PCSK6: variants seen among roughly 807,000 people sequenced by gnomAD.
The protein encoded by PCSK6 is paired basic amino acid cleaving enzyme 4.
PCSK6 carries 85 observed loss-of-function variants against 123.3 expected under a neutral mutation model. The ratio of observed to expected loss-of-function variants is 0.69; its 90% CI spans 0.58 to 0.83. The LOEUF is 0.83. Among genes scored for constraint, PCSK6 ranks in the 40% least tolerant of loss-of-function variants. The pLI is 0.00. For missense variants in PCSK6, 1,191 were observed against 1,282.3 expected, an observed-to-expected ratio of 0.93 and a Z score of 1.09; for synonymous variants, 508 against 516.0, an observed-to-expected ratio of 0.98 and a Z score of 0.21.
intron 2 of PCSK6, among the ~76,000 whole-genome samples, chr15:101,440,400 G>A (rs954732401): frequency 2.2e-4 from 34 of 152,356 alleles, no homozygotes; most frequent in African/African-American, 7.5e-4. Flanking sequence ...GTGCACACAC[G>A]TGCTTAACAG....
chr15:101,344,048 C>G (rs867644567), intron 13 of PCSK6, among the ~76,000 whole-genome samples: 1 of 151,908 alleles, frequency 6.6e-6, no homozygotes, highest in Non-Finnish European at 1.5e-5. Context: ...TGCACTCCAG[C>G]CTGTGCGACA....
At chr15:101,346,944 A>T in intron 13 of PCSK6, 1 of 1,231,656 alleles carries the variant, frequency 8.1e-7, no homozygotes, top group Non-Finnish European at 1.0e-6. Flanking sequence ...AGTTTTGGGG[A>T]AAGGCGTCAC....
intron 6 of PCSK6, among the ~76,000 whole-genome samples, chr15:101,413,220 T>G (rs528469019): frequency 6.6e-6 from 1 of 152,202 alleles, no homozygotes; most frequent in Non-Finnish European, 1.5e-5. Flanking sequence ...AATGAATGTA[T>G]GTTTAATATG....
chr15:101,392,453 A>C (rs759851583), intron 8 of PCSK6, among the ~76,000 whole-genome samples: 1 of 152,226 alleles, frequency 6.6e-6, no homozygotes, highest in Non-Finnish European at 1.5e-5. Context: ...CAGCCGCAGA[A>C]ATGAAAAGAT....
At chr15:101,314,042 C>T (rs1298421667) in intron 19 of PCSK6, among the ~76,000 whole-genome samples, 1 of 152,168 alleles carries the variant, frequency 6.6e-6, no homozygotes. Context: ...TTCCATTGCA[C>T]AGAACGCTGT....
At chr15:101,312,656 C>A (rs2039893017) in intron 20 of PCSK6, among the ~76,000 whole-genome samples, 1 of 152,108 alleles carries the variant, frequency 6.6e-6, no homozygotes, top group Non-Finnish European at 1.5e-5. Flanking sequence ...CGTGGTGAAA[C>A]CCGGTCTCTA....
At chr15:101,364,629 T>C (rs902695467) in intron 13 of PCSK6, among the ~76,000 whole-genome samples, 1 of 152,062 alleles carries the variant, frequency 6.6e-6, no homozygotes, top group African/African-American at 2.4e-5. Context: ...TACTCAACAC[T>C]ACAAAAAACA....
At chr15:101,322,491 ACATTCCT>A (rs781498140) in intron 18 of PCSK6, 22 bp downstream of exon 18, 65 of 1,490,776 alleles carry the variant, frequency 4.4e-5, no homozygotes, top group Non-Finnish European at 5.3e-5. Flanking sequence ...CACCGCCCTG[ACATTCCT>A]CAGGTTTCGA....
At chr15:101,378,873 C>A (rs115912879) in intron 11 of PCSK6, among the ~76,000 whole-genome samples, 1 of 152,220 alleles carries the variant, frequency 6.6e-6, no homozygotes, top group Non-Finnish European at 1.5e-5. Flanking sequence ...TTTCAAATGA[C>A]GGAGCTGCCT....
intron 6 of PCSK6, among the ~76,000 whole-genome samples, chr15:101,406,858 A>G (rs919781410): frequency 6.6e-5 from 10 of 152,112 alleles, no homozygotes; most frequent in African/African-American, 2.2e-4. Context: ...ACCTCCTTCT[A>G]CAGTGGAAAC....
chr15:101,398,527 C>T lies in PCSK6; in HGVS notation c.873G>A (p.Ser291=), dbSNP rs1316603523. The change falls in exon 7 of 22, where the codon TCG becomes TCA. Residue 291 remains serine (S), a synonymous_variant. Coordinates refer to ENST00000611716, the MANE Select transcript of PCSK6 (RefSeq NM_002570.5). The surrounding 1 kb of genome is among the most constrained non-coding windows in gnomAD (Gnocchi z 4.6). ...CGATGTAGTTGGGTCTGATGCCCAG[C>T]GACTTTGCCTCGACCACATCTGTGA... ...GDVTDVVEAK[S]LGIRPNYIDI... is the part of the protein sequence containing the mutation. The T allele has an allele frequency of 8.7e-6, 14 of 1,613,814 alleles. No individual in the cohort carries two copies. The highest frequency in any genetic ancestry group is 2.2e-5 in the East Asian group (1 of 44,886).
At chr15:101,465,376 C>T (rs535715188) in intron 1 of PCSK6, among the ~76,000 whole-genome samples, 12 of 152,334 alleles carry the variant, frequency 7.9e-5, no homozygotes, top group South Asian at 4.2e-4. Context: ...GGAAACAGCA[C>T]GTCTTGTTCT....
At chr15:101,387,107 C>A (rs932778109) in intron 9 of PCSK6, among the ~76,000 whole-genome samples, 1 of 152,176 alleles carries the variant, frequency 6.6e-6, no homozygotes, top group African/African-American at 2.4e-5. Flanking sequence ...GCTTCCTCAC[C>A]GTCTCTCCCC....
At chr15:101,317,511 TC>T (rs1191835448) in intron 19 of PCSK6, among the ~76,000 whole-genome samples, 1 of 116,346 alleles carries the variant, frequency 8.6e-6, no homozygotes, top group East Asian at 2.2e-4. Context: ...AGAATTCTTT[TC>T]CTCTTTGAAA....
intron 12 of PCSK6, among the ~76,000 whole-genome samples, chr15:101,367,874 G>C (rs1596242740): frequency 6.6e-6 from 1 of 152,210 alleles, no homozygotes; most frequent in Non-Finnish European, 1.5e-5. Context: ...ACCCAGGCTG[G>C]AGTGCAGAGG....
At chr15:101,469,394 T>A (rs2057546552) in intron 1 of PCSK6, among the ~76,000 whole-genome samples, 1 of 152,208 alleles carries the variant, frequency 6.6e-6, no homozygotes, top group Non-Finnish European at 1.5e-5. Flanking sequence ...CGTGACTGTG[T>A]GCAGGCGAGA....
At chr15:101,435,086 C>T (rs1050958915) in intron 2 of PCSK6, among the ~76,000 whole-genome samples, 2 of 152,170 alleles carry the variant, frequency 1.3e-5, no homozygotes, top group African/African-American at 2.4e-5. Flanking sequence ...GTGCCTCCCC[C>T]TCCCATCCCC....
intron 6 of PCSK6, among the ~76,000 whole-genome samples, chr15:101,416,085 C>A (rs1190269092): frequency 6.6e-6 from 1 of 152,162 alleles, no homozygotes; most frequent in East Asian, 1.9e-4. Flanking sequence ...TTGGAGGGCT[C>A]AGAAGAAGAC....
intron 1 of PCSK6, among the ~76,000 whole-genome samples, chr15:101,469,514 T>G (rs537022007): frequency 6.6e-6 from 1 of 152,352 alleles, no homozygotes; most frequent in African/African-American, 2.4e-5. Context: ...TCTTTCATCT[T>G]TAAGAGAGAA....
Sources: allele counts gnomAD v4.1 joint callset (sites outside exome capture counted in the v4.1 genomes callset), GRCh38; gene constraint gnomAD v4.1.1; non-coding constraint Gnocchi (gnomAD v3.1); transcripts MANE v1.5; gene names NCBI Gene and HGNC (gene_info 2026-07-23, HGNC 2026-07-21).